The following RNF130 variants were observed in gnomAD, a reference collection of about 807,000 sequenced individuals.
The protein encoded by RNF130 is ring finger protein 130, also known as E3 ubiquitin-protein ligase RNF130.
Under a neutral mutation model 44.6 loss-of-function variants are expected in RNF130, and 21 were observed. The observed-to-expected ratio is 0.47, with a 90% CI of 0.33 to 0.68. RNF130 has a LOEUF of 0.68. RNF130 is among the 30% of genes least tolerant of loss of function. RNF130 has a pLI of 0.02. For synonymous variants in RNF130, 214 were observed against 210.4 expected (o/e 1.02, Z -0.15); for missense variants, 479 against 560.6 (o/e 0.85, Z 1.47).
exon 8 of RNF130, chr5:179,912,989 G>A (rs1761488378): frequency 6.6e-6 from 1 of 152,360 alleles, no homozygotes; most frequent in African/African-American, 2.4e-5. Context: ...GTGGGGAACT[G>A]AGGAGGCCAA....
chr5:180,006,346 A>T (rs1281172695), intron 3 of RNF130, among the ~76,000 whole-genome samples: 3 of 152,192 alleles, frequency 2.0e-5, no homozygotes, highest in African/African-American at 4.8e-5. Flanking sequence ...AACTGTACTC[A>T]TGCAAAGTTT....
intron 3 of RNF130, among the ~76,000 whole-genome samples, chr5:179,996,777 A>G (rs1393316917): frequency 2.0e-5 from 3 of 152,062 alleles, no homozygotes; most frequent in African/African-American, 4.8e-5. Context: ...ATTTTTCTTT[A>G]TTTTGTTGTA....
intron 3 of RNF130, among the ~76,000 whole-genome samples, chr5:180,008,930 A>G (rs1763523283): frequency 2.0e-5 from 3 of 152,170 alleles, no homozygotes; most frequent in Non-Finnish European, 2.9e-5. Context: ...TGGAAATTCA[A>G]TAACATACTT....
intron 1 of RNF130, among the ~76,000 whole-genome samples, chr5:180,041,085 G>C (rs1176161831): frequency 6.6e-6 from 1 of 152,268 alleles, no homozygotes; most frequent in Non-Finnish European, 1.5e-5. Context: ...GAGAAAACAG[G>C]AGCCTGGACT....
intron 2 of RNF130, among the ~76,000 whole-genome samples, chr5:180,026,556 G>A (rs1262704800): frequency 6.6e-6 from 1 of 152,114 alleles, no homozygotes; most frequent in East Asian, 1.9e-4. Flanking sequence ...CATGGACAGG[G>A]CACTGGAACA....
chr5:179,954,324 G>A (rs79782985), downstream of RNF130, among the ~76,000 whole-genome samples: 656 of 152,252 alleles, frequency 4.3e-3, 26 homozygotes, highest in East Asian at 0.095. Flanking sequence ...CATAACAGCC[G>A]AACAGCGGAA....
chr5:179,946,646 C>CG (rs1762045122), intron 7 of RNF130, among the ~76,000 whole-genome samples: 1 of 151,764 alleles, frequency 6.6e-6, no homozygotes, highest in Admixed American at 6.6e-5. Context: ...CTCCGCCTCC[C>CG]GGGTTCACGC....
chr5:179,919,171 G>A (rs1434010119), exon 8 of RNF130: 2 of 152,222 alleles, frequency 1.3e-5, no homozygotes, highest in African/African-American at 2.4e-5. Context: ...TGCCCATAGT[G>A]GTTCTGTACT....
chr5:179,974,726 C>T (rs909048597), intron 5 of RNF130, among the ~76,000 whole-genome samples: 2 of 152,250 alleles, frequency 1.3e-5, no homozygotes, highest in African/African-American at 4.8e-5. Flanking sequence ...GTTTTAAAAA[C>T]TGGACTGGGA....
exon 8 of RNF130, chr5:179,920,286 G>A: frequency 1.5e-6 from 1 of 682,694 alleles, no homozygotes; most frequent in South Asian, 1.5e-5. Flanking sequence ...CACAAAAGCA[G>A]TGACCCCAAC....
chr5:179,978,619 T>C (rs1286735412), intron 4 of RNF130, among the ~76,000 whole-genome samples: 1 of 152,208 alleles, frequency 6.6e-6, no homozygotes, highest in Non-Finnish European at 1.5e-5. Flanking sequence ...CATTACTTAT[T>C]GGTCTGAAGA....
chr5:180,033,495 G>A (rs920484818), intron 2 of RNF130, among the ~76,000 whole-genome samples: 4 of 152,122 alleles, frequency 2.6e-5, no homozygotes, highest in African/African-American at 7.2e-5. Flanking sequence ...AGGCTGAGGT[G>A]GGCAGGTCAC....
chr5:179,955,052 T>G (rs1449895893), downstream of RNF130: 1 of 152,242 alleles, frequency 6.6e-6, no homozygotes, highest in East Asian at 1.9e-4. Flanking sequence ...GGAAAATCAT[T>G]TTGACACTCA....
rs768070858 is a variant in RNF130 at position 180,071,559 on chromosome 5, G to A, written c.144C>T (p.Arg48=). Residue 48 remains arginine, a synonymous_variant, in exon 1 of 9, where the codon CGC becomes CGT. Coordinates refer to ENST00000521389, the MANE Select transcript of RNF130 (RefSeq NM_018434.6). ...LINVTVQEPG[R]GAPLTFRIDR... is the part of the protein sequence containing the mutation. ...CGATGCGAAACGTGAGCGGGGCGCC[G>A]CGGCCGGGCTCCTGCACCGTCACGT... The A allele has an allele frequency of 1.4e-6, 2 of 1,435,596 alleles. No individual in the cohort carries two copies. The highest frequency in any genetic ancestry group is 1.5e-5 in the South Asian group (1 of 66,190). The allele number at this position is 1,435,596 out of a possible 1,614,324, so 88.9% of individuals were successfully genotyped here. A position where few individuals can be genotyped will look rare whatever the true frequency, so the allele number is the denominator to read the frequency against.
intron 5 of RNF130, among the ~76,000 whole-genome samples, chr5:179,975,913 C>T (rs532558260): frequency 1.2e-4 from 19 of 152,250 alleles, no homozygotes; most frequent in South Asian, 6.2e-4. Context: ...CTTTGCAGCA[C>T]GAGAATCGGG....
intron 1 of RNF130, among the ~76,000 whole-genome samples, chr5:180,054,615 A>C (rs1764763787): frequency 6.6e-6 from 1 of 152,238 alleles, no homozygotes; most frequent in Non-Finnish European, 1.5e-5. Context: ...TGTCTCTATC[A>C]GTACCACACT....
intron 1 of RNF130, among the ~76,000 whole-genome samples, chr5:180,048,540 A>G (rs996985690): frequency 6.6e-6 from 1 of 152,174 alleles, no homozygotes; most frequent in African/African-American, 2.4e-5. Context: ...TGGGAGGCTG[A>G]GGTGGGAGAA....
intron 2 of RNF130, among the ~76,000 whole-genome samples, chr5:180,018,067 G>A (rs956022709): frequency 9.8e-5 from 15 of 152,314 alleles, no homozygotes; most frequent in African/African-American, 2.9e-4. Context: ...AGATCAAGGC[G>A]ATGGATCACC....
At chr5:179,987,396 T>C (rs1433681212) in intron 3 of RNF130, among the ~76,000 whole-genome samples, 3 of 152,216 alleles carry the variant, frequency 2.0e-5, no homozygotes, top group South Asian at 4.1e-4. Context: ...CTTGAACTAC[T>C]TGGCTCAAGT....
Sources: gnomAD v4.1 joint callset for allele counts (sites outside exome capture counted in the v4.1 genomes callset) on GRCh38, gnomAD v4.1.1 for gene constraint, MANE v1.5 for transcripts, NCBI Gene and HGNC (gene_info 2026-07-23, HGNC 2026-07-21) for gene names.